L3MBTL4: variants seen among roughly 807,000 people sequenced by gnomAD.
L3MBTL4 encodes lethal(3)malignant brain tumor-like protein 4.
L3MBTL4 carries 70 observed loss-of-function variants against 84.5 expected under a neutral mutation model. That is an observed-to-expected ratio of 0.83 (90% CI 0.68 to 1.01). The LOEUF is 1.01. Among genes scored for constraint, L3MBTL4 ranks in the 50% least tolerant of loss-of-function variants. The pLI is 0.00. For synonymous variants in L3MBTL4, 274 were observed against 259.8 expected (o/e 1.05, Z -0.52); for missense variants, 715 against 754.8 (o/e 0.95, Z 0.62).
chr18:6,166,036 C>G (rs2043636123), intron 13 of L3MBTL4, among the ~76,000 whole-genome samples: 1 of 152,098 alleles, frequency 6.6e-6, no homozygotes, highest in African/African-American at 2.4e-5. Context: ...CAATCCTAGT[C>G]TCAGATAAAA....
intron 5 of L3MBTL4, among the ~76,000 whole-genome samples, chr18:6,247,602 C>T (rs969840792): frequency 1.3e-5 from 2 of 150,662 alleles, no homozygotes; most frequent in African/African-American, 4.9e-5. Flanking sequence ...CCTCAGCATC[C>T]CGAGTAGCTG....
chr18:5,965,910 C>G (rs2052331606), intron 17 of L3MBTL4, among the ~76,000 whole-genome samples: 1 of 152,164 alleles, frequency 6.6e-6, no homozygotes, highest in Non-Finnish European at 1.5e-5. Flanking sequence ...ATGGAAGCAA[C>G]AGGTGCAGGA....
intron 10 of L3MBTL4, among the ~76,000 whole-genome samples, chr18:6,229,786 C>T (rs544461513): frequency 1.2e-3 from 186 of 152,228 alleles, no homozygotes; most frequent in African/African-American, 4.3e-3. Flanking sequence ...TTCACCATAA[C>T]TGCAAGGGTG....
At chr18:6,255,615 T>G (rs2048103983) in intron 5 of L3MBTL4, among the ~76,000 whole-genome samples, 1 of 152,168 alleles carries the variant, frequency 6.6e-6, no homozygotes, top group Non-Finnish European at 1.5e-5. Context: ...AAAATACAGT[T>G]CCTTCTTTCG....
chr18:6,142,303 CCTTT>C (rs2060222288), intron 13 of L3MBTL4, among the ~76,000 whole-genome samples: 2 of 152,252 alleles, frequency 1.3e-5, no homozygotes, highest in Admixed American at 1.3e-4. Flanking sequence ...CACAGTTCTT[CCTTT>C]GAGAGACACT....
rs2053781472 is a variant in L3MBTL4, at chr18:5,993,142, A to C, written c.1445-23580T>G. Among the ~76,000 whole-genome samples, 7 of 152,144 alleles carry C rather than the reference A, an allele frequency of 4.6e-5. No individual in the cohort carries two copies. In the South Asian group the frequency reaches 1.4e-3, roughly 31 times the overall value. ...TGTTCTCTTTCCAGCGCTCACACCA[A>C]AGTGAGCACAGGTGTATCTGTCAGG... On this transcript the variant is annotated intron_variant, in intron 16 of 18. Coordinates refer to ENST00000317931, the MANE Select transcript of L3MBTL4 (RefSeq NM_001330559.2).
chr18:6,334,230 G>T (rs956252229), intron 1 of L3MBTL4, among the ~76,000 whole-genome samples: 4 of 152,180 alleles, frequency 2.6e-5, no homozygotes, highest in African/African-American at 7.2e-5. Context: ...AGGAGTCCCA[G>T]TTGGTGTCAG....
intron 3 of L3MBTL4, among the ~76,000 whole-genome samples, chr18:6,305,663 G>A (rs1293339171): frequency 6.6e-6 from 1 of 152,052 alleles, no homozygotes; most frequent in Non-Finnish European, 1.5e-5. Flanking sequence ...ATGGTTTAAG[G>A]AACATAAAAT....
chr18:6,186,240 C>T (rs1027501943), intron 12 of L3MBTL4, among the ~76,000 whole-genome samples: 14 of 151,930 alleles, frequency 9.2e-5, no homozygotes, highest in Non-Finnish European at 1.6e-4. Context: ...CGAGGTTTCA[C>T]CATGTTGGCC....
At chr18:6,089,785 A>G (rs932932620) in intron 15 of L3MBTL4, among the ~76,000 whole-genome samples, 20 of 152,330 alleles carry the variant, frequency 1.3e-4, no homozygotes, top group African/African-American at 4.8e-4. Context: ...TGTGCTATTA[A>G]TAGTAGATAG....
At chr18:6,403,002 C>A (rs1197216075) in intron 1 of L3MBTL4, among the ~76,000 whole-genome samples, 3 of 152,002 alleles carry the variant, frequency 2.0e-5, no homozygotes, top group Non-Finnish European at 2.9e-5. Context: ...AAGTAGGTTA[C>A]CCCCAGGGGG....
At chr18:6,389,370 G>A (rs972587863) in intron 1 of L3MBTL4, among the ~76,000 whole-genome samples, 50 of 152,092 alleles carry the variant, frequency 3.3e-4, no homozygotes, top group African/African-American at 1.2e-3. Flanking sequence ...ATAAAAACCT[G>A]TAAAACAACA....
chr18:6,088,824 A>T (rs2058344288), intron 15 of L3MBTL4, among the ~76,000 whole-genome samples: 1 of 152,226 alleles, frequency 6.6e-6, no homozygotes, highest in African/African-American at 2.4e-5. Context: ...AAGATCATTA[A>T]GGAACTATTC....
At chr18:5,959,359 TA>T (rs2095250710) in intron 18 of L3MBTL4, among the ~76,000 whole-genome samples, 1 of 152,180 alleles carries the variant, frequency 6.6e-6, no homozygotes, top group African/African-American at 2.4e-5. Flanking sequence ...GATCAAAGGA[TA>T]ATGGTTGTAA....
Position 6,370,201 on chromosome 18 carries a change from G to A in L3MBTL4, c.-91+44600C>T, listed in dbSNP as rs974794616. Among the ~76,000 whole-genome samples, 3 of 151,890 alleles carry A rather than the reference G, an allele frequency of 2.0e-5. No individual in the cohort carries two copies. In the South Asian group the frequency reaches 6.2e-4, roughly 32 times the overall value. On this transcript the variant is annotated intron_variant, in intron 1 of 18. Transcript: ENST00000317931. ...TATTGGACACAAGGGTGAAGGGAAG[G>A]CATAGGTGAGATTTTTATCCGGTCG...
At chr18:6,127,612 T>C (rs990641724) in intron 14 of L3MBTL4, among the ~76,000 whole-genome samples, 1 of 152,124 alleles carries the variant, frequency 6.6e-6, no homozygotes, top group Non-Finnish European at 1.5e-5. Context: ...TAGCAATAAA[T>C]GAATAAAAGA....
chr18:6,025,936 G>A (rs926109917), intron 16 of L3MBTL4, among the ~76,000 whole-genome samples: 1 of 152,196 alleles, frequency 6.6e-6, no homozygotes, highest in Non-Finnish European at 1.5e-5. Context: ...CTGTAGGTTG[G>A]GGACCCCTGT....
chr18:6,314,084 A>G (rs897647562), intron 1 of L3MBTL4, among the ~76,000 whole-genome samples: 1 of 148,084 alleles, frequency 6.8e-6, no homozygotes. Context: ...ATAGATAGAT[A>G]GTCTAACACA....
Position 6,093,452 on chromosome 18 carries a change from G to A in L3MBTL4, c.1276C>T (p.Gln426Ter). 1 of 1,613,980 alleles carries A rather than the reference G, an allele frequency of 6.2e-7. No homozygotes were observed. The change falls in exon 15 of 19, where the codon CAG (glutamine) becomes TAG (stop). Residue 426 changes from glutamine to a stop codon, truncating the protein, a stop_gained. Coordinates refer to ENST00000317931, the MANE Select transcript of L3MBTL4 (RefSeq NM_001330559.2). LOFTEE classifies it high-confidence loss of function. ...TLHDRLREQT[Q>*]ANLESDSSHS... ...GAAGAGTCTGATTCCAAATTTGCCT[G>A]TGTTTGTTCTCTCAAACGATCGTGA...
Sources: allele counts gnomAD v4.1 joint callset (sites outside exome capture counted in the v4.1 genomes callset), GRCh38; gene constraint gnomAD v4.1.1; transcripts MANE v1.5; gene names NCBI Gene and HGNC (gene_info 2026-07-23, HGNC 2026-07-21).